CLCN5: variants seen among roughly 807,000 people sequenced by gnomAD.
The protein encoded by CLCN5 is H(+)/Cl(-) exchange transporter 5.
In CLCN5, 17 loss-of-function variants were observed where a neutral mutation model predicts 54.0. That is an observed-to-expected ratio of 0.31 (90% CI 0.22 to 0.47). CLCN5 has a LOEUF of 0.47. CLCN5 is among the 20% of genes least tolerant of loss of function. The probability of loss-of-function intolerance (pLI) is 1.00; values close to 1 mark genes in which losing one functional copy is unlikely to be tolerated. For synonymous variants in CLCN5, 222 were observed against 233.0 expected, an observed-to-expected ratio of 0.95 and a Z score of 0.43; for missense variants, 448 against 646.7, an observed-to-expected ratio of 0.69 and a Z score of 3.33.
intron 3 of CLCN5, among the ~76,000 whole-genome samples, chrX:50,005,134 A>G (rs1557181214): frequency 9.0e-6 from 1 of 111,301 alleles, no homozygotes; most frequent in Non-Finnish European, 1.9e-5. Flanking sequence ...CATTCATCCT[A>G]TACAGTTTTG....
chrX:50,091,237 A>G (rs1430969765), intron 14 of CLCN5, among the ~76,000 whole-genome samples: 1 of 111,684 alleles, frequency 9.0e-6, no homozygotes, highest in Non-Finnish European at 1.9e-5. Flanking sequence ...CAATCTCCTT[A>G]TTATTACTTG....
chrX:50,088,968 G>A lies in CLCN5; in HGVS notation c.1744+84G>A, dbSNP rs1277756518. ...TTATTAAACACAGTTGACTGTAGGA[G>A]AATTTAAATGCCCATCCCTTTCCAG... On this transcript the variant is annotated intron_variant, in intron 12 of 14. Transcript: ENST00000376091. The A allele has an allele frequency of 6.8e-6, 6 of 882,787 alleles. No homozygotes were observed. In the East Asian group the frequency reaches 1.6e-4, roughly 23 times the overall value. The allele number at this position is 882,787 out of a possible 1,213,427, so 72.8% of individuals were successfully genotyped here.
intron 5 of CLCN5, among the ~76,000 whole-genome samples, chrX:50,070,436 A>G (rs1239446113): frequency 4.5e-5 from 5 of 112,219 alleles, no homozygotes; most frequent in African/African-American, 1.6e-4. Context: ...AGGTGGCAAA[A>G]TAAATGTCAA....
At chrX:50,086,138 C>A in intron 10 of CLCN5, 78 bp downstream of exon 10, 1 of 909,915 alleles carries the variant, frequency 1.1e-6, no homozygotes, top group Non-Finnish European at 1.6e-6. Flanking sequence ...TAATTTTGTA[C>A]ATAATGTACA....
At position 50,064,122 on chromosome X, in the gene CLCN5, C is replaced by T. The variant is rs782076343; in HGVS notation, c.164-5757C>T. Among the ~76,000 whole-genome samples, 40 of 107,522 alleles carry T rather than the reference C, an allele frequency of 3.7e-4. 3 individuals carry two copies. In the East Asian group the frequency reaches 0.012, roughly 31 times the overall value. The allele number at this position is 107,522 out of a possible 115,157, so 93.4% of individuals were successfully genotyped here. A position where few individuals can be genotyped will look rare whatever the true frequency, so the allele number is the denominator to read the frequency against. Reference sequence around the variant, plus strand: ...CACAAGACAGGGATGCCCTCTCTCACCGCTCCTATTCAACATAGTGTTGGA... The same window carrying T: ...CACAAGACAGGGATGCCCTCTCTCATCGCTCCTATTCAACATAGTGTTGGA... On this transcript the variant is annotated intron_variant, in intron 4 of 14. Coordinates refer to ENST00000376091, the MANE Select transcript of CLCN5 (RefSeq NM_001127898.4).
At chrX:49,943,890 T>A (rs1185987854) in intron 3 of CLCN5, among the ~76,000 whole-genome samples, 74 of 111,614 alleles carry the variant, frequency 6.6e-4, no homozygotes, top group Non-Finnish European at 1.1e-3. Flanking sequence ...ATGCGGGCTC[T>A]TTTTTGGTTC....
chrX:49,972,425 T>C (rs1447700191), intron 3 of CLCN5, among the ~76,000 whole-genome samples: 1 of 111,426 alleles, frequency 9.0e-6, no homozygotes, highest in Non-Finnish European at 1.9e-5. Context: ...TGGGAGTAAA[T>C]GTTGAAATGT....
At chrX:50,032,595 A>T in intron 3 of CLCN5, among the ~76,000 whole-genome samples, 1 of 106,572 alleles carries the variant, frequency 9.4e-6, no homozygotes, top group Middle Eastern at 4.6e-3. Context: ...AATTTGTTTG[A>T]GTTCATTGTA....
In CLCN5 at chrX:49,963,084, G is replaced by T. The variant is rs181890264; in HGVS notation, c.16+37770G>T. Among the ~76,000 whole-genome samples, 3 of 111,958 alleles carry T rather than the reference G, an allele frequency of 2.7e-5. No individual in the cohort carries two copies. In the East Asian group the frequency reaches 8.5e-4, roughly 32 times the overall value. Reference sequence around the variant, plus strand: ...ATTTTTAAGGAAGTGCTTGAATTGAGGTAGGTAAGAACAAGTGACTCTGGG... The same window carrying T: ...ATTTTTAAGGAAGTGCTTGAATTGATGTAGGTAAGAACAAGTGACTCTGGG... On this transcript the variant is annotated intron_variant, in intron 3 of 14. Coordinates refer to ENST00000376091, the MANE Select transcript of CLCN5 (RefSeq NM_001127898.4).
chrX:50,064,853 G>A (rs1391684309), intron 4 of CLCN5, among the ~76,000 whole-genome samples: 9 of 105,713 alleles, frequency 8.5e-5, no homozygotes, highest in South Asian at 4.0e-4. Flanking sequence ...CAGAAATAAC[G>A]CCGCTTACCT....
At chrX:49,931,504 A>G (rs1925647472) in intron 3 of CLCN5, among the ~76,000 whole-genome samples, 1 of 111,611 alleles carries the variant, frequency 9.0e-6, no homozygotes, top group Non-Finnish European at 1.9e-5. Context: ...ATGCTAAGGT[A>G]TTTATAGTGA....
intron 3 of CLCN5, chrX:50,013,185 TTCTG>T (rs1247845170): frequency 4.7e-5 from 13 of 274,697 alleles, no homozygotes; most frequent in South Asian, 1.6e-4. Flanking sequence ...CTTTCTCTCT[TTCTG>T]TCTTTCTTTC....
intron 3 of CLCN5, among the ~76,000 whole-genome samples, chrX:50,018,646 A>G (rs1557183914): frequency 8.9e-6 from 1 of 112,026 alleles, no homozygotes; most frequent in Admixed American, 9.5e-5. Flanking sequence ...TAGTTTAATT[A>G]GAGTTTTTAT....
chrX:50,097,389 G>A lies in CLCN5; in HGVS notation c.*5170G>A, dbSNP rs1934294751. 1 of 111,511 alleles carries A rather than the reference G, an allele frequency of 9.0e-6. No individual in the cohort carries two copies. Among genetic ancestry groups the A allele is most frequent in the Admixed American group, 9.5e-5 (1 of 10,485 alleles). 9.2% of individuals were successfully genotyped at this position (111,511 alleles called of 1,213,427 possible). On this transcript the variant is annotated 3_prime_UTR_variant, in exon 15 of 15. Transcript: ENST00000376091. ...GTGTGGAGTTTGCATTTCTTGGATG[G>A]GACCTATCGGGTCACCCAGCCCAGT...
intron 4 of CLCN5, among the ~76,000 whole-genome samples, chrX:50,052,281 A>G (rs1557188457): frequency 2.7e-5 from 3 of 111,855 alleles, no homozygotes; most frequent in Middle Eastern, 4.6e-3. Context: ...TTTGTTGTCA[A>G]TGGATATCAT....
At chrX:50,008,467 T>A (rs782403117) in intron 3 of CLCN5, 1 of 364,624 alleles carries the variant, frequency 2.7e-6, no homozygotes, top group African/African-American at 2.6e-5. Flanking sequence ...TGGGTGAGAG[T>A]GCTGTCTGAA....
In CLCN5 at chrX:50,096,733, G is replaced by A. The variant is rs1934273706; in HGVS notation, c.*4514G>A. On this transcript the variant is annotated 3_prime_UTR_variant, in exon 15 of 15. Coordinates refer to ENST00000376091, the MANE Select transcript of CLCN5 (RefSeq NM_001127898.4). The stretch of plus-strand genomic sequence containing the variant: ...GAAAATATTTGAATGGTGTAAGATG[G>A]TGGAAGGAAAGCCATCCCACACCCC... 8.9e-6 allele frequency: 1 copy of A among 112,627 alleles called. No individual in the cohort carries two copies. The highest frequency in any genetic ancestry group is 3.3e-5 in the African/African-American group (1 of 30,709). 9.3% of individuals were successfully genotyped at this position (112,627 alleles called of 1,213,427 possible).
chrX:50,088,605 GTTTGC>G, intron 11 of CLCN5, 88 bp from the exon 12 acceptor site: 2 of 842,662 alleles, frequency 2.4e-6, no homozygotes, highest in Non-Finnish European at 3.6e-6. Context: ...TCATCGGCCT[GTTTGC>G]TTTGCAGAGG....
At chrX:49,966,001 A>G (rs1358653248) in intron 3 of CLCN5, among the ~76,000 whole-genome samples, 2 of 111,696 alleles carry the variant, frequency 1.8e-5, no homozygotes, top group East Asian at 5.6e-4. Flanking sequence ...ATTTGCTAAA[A>G]TTCTGTTAAA....
Sources: allele counts gnomAD v4.1 joint callset (sites outside exome capture counted in the v4.1 genomes callset), GRCh38; gene constraint gnomAD v4.1.1; transcripts MANE v1.5; gene names NCBI Gene and HGNC (gene_info 2026-07-23, HGNC 2026-07-21).